DBT: variants seen among roughly 807,000 people sequenced by gnomAD.
DBT encodes the protein dihydrolipoamide branched chain transacylase E2.
In DBT, 40 loss-of-function variants were observed where a neutral mutation model predicts 51.3. That is an observed-to-expected ratio of 0.78 (90% CI 0.61 to 1.02). The LOEUF (loss-of-function observed/expected upper bound fraction) is 1.02. Among genes scored for constraint, DBT ranks in the 50% least tolerant of loss-of-function variants. The pLI is 0.00. For missense variants in DBT, 510 were observed against 580.2 expected (o/e 0.88, Z 1.24); for synonymous variants, 181 against 190.4 (o/e 0.95, Z 0.41).
At chr1:100,244,060 T>A (rs1664391631) in intron 1 of DBT, among the ~76,000 whole-genome samples, 1 of 105,270 alleles carries the variant, frequency 9.5e-6, no homozygotes. Flanking sequence ...CAAAATTCTA[T>A]CTCAAAAAAA....
At chr1:100,240,576 G>A (rs970590676) in intron 2 of DBT, among the ~76,000 whole-genome samples, 185 bp downstream of exon 2, 1 of 152,080 alleles carries the variant, frequency 6.6e-6, no homozygotes, top group Non-Finnish European at 1.5e-5. Flanking sequence ...AGGAAAGTAT[G>A]TAAAAGAGAG....
At chr1:100,220,496 C>G (rs1662786662) in intron 4 of DBT, among the ~76,000 whole-genome samples, 1 of 152,132 alleles carries the variant, frequency 6.6e-6, no homozygotes, top group African/African-American at 2.4e-5. Context: ...ATTCATTCCT[C>G]TTTACTAGTC....
At chr1:100,224,450 T>C (rs937792383) in intron 4 of DBT, among the ~76,000 whole-genome samples, 4 of 152,232 alleles carry the variant, frequency 2.6e-5, no homozygotes, top group Non-Finnish European at 4.4e-5. Flanking sequence ...GGGCTTATGC[T>C]TCATAGTTTA....
rs59482100 is a variant in DBT at position 100,225,042 on chromosome 1, A to AAATAT, written c.433+5690_433+5691insATATT. On this transcript the variant is annotated intron_variant, in intron 4 of 10. Coordinates refer to ENST00000370132, the MANE Select transcript of DBT (RefSeq NM_001918.5). ...CCCCCCAAAAAAAAAAAAAAAAAAAAATATATATATACACACACACACACA... is the reference window on the plus strand; with the variant it reads ...CCCCCCAAAAAAAAAAAAAAAAAAAAAATATATATATATATACACACACACACACA... Among the ~76,000 whole-genome samples the AAATAT allele has an allele frequency of 7.7e-4, 35 of 45,654 alleles. 1 individual carries two copies. The highest frequency in any genetic ancestry group is 2.2e-3 in the African/African-American group (33 of 14,900). 30.0% of individuals were successfully genotyped at this position (45,654 alleles called of 152,430 possible).
chr1:100,207,793 T>C (rs1661878539), intron 8 of DBT, among the ~76,000 whole-genome samples: 1 of 151,432 alleles, frequency 6.6e-6, no homozygotes, highest in African/African-American at 2.4e-5. Flanking sequence ...AAGCTATGAT[T>C]ATGCATGGGT....
At chr1:100,199,892 T>C (rs1010527220) in intron 10 of DBT, among the ~76,000 whole-genome samples, 4 of 152,170 alleles carry the variant, frequency 2.6e-5, no homozygotes, top group East Asian at 1.9e-4. Flanking sequence ...CCCATGGTCT[T>C]TGCATCCGAC....
intron 1 of DBT, among the ~76,000 whole-genome samples, chr1:100,244,507 A>G (rs1664420952): frequency 6.6e-6 from 1 of 152,220 alleles, no homozygotes. Flanking sequence ...TACCAAAATT[A>G]TCAAAAAAGG....
chr1:100,245,338 C>T (rs1006863197), intron 1 of DBT, among the ~76,000 whole-genome samples: 3 of 152,042 alleles, frequency 2.0e-5, no homozygotes, highest in Middle Eastern at 3.2e-3. Context: ...GTGTGAGCCA[C>T]CACACCCAGC....
rs555964358 is a variant in DBT at position 100,212,505 on chromosome 1, C to T, written c.940-1734G>A. Among the ~76,000 whole-genome samples, 467 of 150,876 alleles carry T rather than the reference C, an allele frequency of 3.1e-3. 1 individual carries two copies. The highest frequency in any genetic ancestry group is 0.011 in the African/African-American group (440 of 41,054). On this transcript the variant is annotated intron_variant, in intron 7 of 10. Coordinates refer to ENST00000370132, the MANE Select transcript of DBT (RefSeq NM_001918.5). ...TGAGCTGTGATTGTGCCACTGCACTCCAGCAGCCTGGGCAACAAAGTGAAC... is the reference window on the plus strand; with the variant it reads ...TGAGCTGTGATTGTGCCACTGCACTTCAGCAGCCTGGGCAACAAAGTGAAC...
In DBT at chr1:100,196,161, A is replaced by G; in HGVS notation, c.*94T>C. 1 of 1,075,534 alleles carries G rather than the reference A, an allele frequency of 9.3e-7. No homozygotes were observed. Among genetic ancestry groups the G allele is most frequent in the Non-Finnish European group, 1.4e-6 (1 of 696,958 alleles). The allele number at this position is 1,075,534 out of a possible 1,614,324, so 66.6% of individuals were successfully genotyped here. ...CTTAATCATACGATACAAATCATTT[A>G]CAATATAAATTGTAAAGATGAACAT... is the stretch of plus-strand genomic sequence containing the variant. On this transcript the variant is annotated 3_prime_UTR_variant, in exon 11 of 11. Coordinates refer to ENST00000370132, the MANE Select transcript of DBT (RefSeq NM_001918.5).
intron 4 of DBT, among the ~76,000 whole-genome samples, chr1:100,228,031 A>G (rs530842358): frequency 3.3e-5 from 5 of 152,074 alleles, no homozygotes; most frequent in African/African-American, 1.2e-4. Context: ...TTTTTAGTAA[A>G]CATGGGGTTT....
rs185377245 is a variant in DBT at position 100,193,714 on chromosome 1, C to T, written c.*2541G>A. 1 of 150,768 alleles carries T rather than the reference C, an allele frequency of 6.6e-6. No individual in the cohort carries two copies. The highest frequency in any genetic ancestry group is 1.9e-4 in the East Asian group (1 of 5,184). The allele number at this position is 150,768 out of a possible 1,614,324, so 9.3% of individuals were successfully genotyped here. A position where few individuals can be genotyped will look rare whatever the true frequency, so the allele number is the denominator to read the frequency against. On this transcript the variant is annotated 3_prime_UTR_variant, in exon 11 of 11. Transcript: ENST00000370132. ...CTGCCGCTGGGTTCAAGCAGTTCTC[C>T]TGCCTCAGCCTCCCGAGTAGGTGGA...
rs144252286 is a variant in DBT, at chr1:100,226,729, A to G, written c.433+4004T>C. 2.0e-3 allele frequency among the ~76,000 whole-genome samples: 312 copies of G among 152,306 alleles called. 3 individuals carry two copies. Among genetic ancestry groups the G allele is most frequent in the African/African-American group, 7.4e-3 (307 of 41,574 alleles). ...TGAATGATTCCAGGTATGGGGTGGG[A>G]AAAGTATGAGGTGAATCCCAGAACA... On this transcript the variant is annotated intron_variant, in intron 4 of 10. Coordinates refer to ENST00000370132, the MANE Select transcript of DBT (RefSeq NM_001918.5).
rs1238483306 is a variant in DBT at position 100,194,066 on chromosome 1, G to A, written c.*2189C>T. The A allele has an allele frequency of 1.3e-5, 2 of 152,164 alleles. No homozygotes were observed. Among genetic ancestry groups the A allele is most frequent in the African/African-American group, 4.8e-5 (2 of 41,452 alleles). The allele number at this position is 152,164 out of a possible 1,614,324, so 9.4% of individuals were successfully genotyped here. A position where few individuals can be genotyped will look rare whatever the true frequency, so the allele number is the denominator to read the frequency against. On this transcript the variant is annotated 3_prime_UTR_variant, in exon 11 of 11. Coordinates refer to ENST00000370132, the MANE Select transcript of DBT (RefSeq NM_001918.5). Reference sequence around the variant, plus strand: ...TACATACAGATAGATACATCAAAATGTTAATAGTGGTAAGATTATGAATGA... The same window carrying A: ...TACATACAGATAGATACATCAAAATATTAATAGTGGTAAGATTATGAATGA...
rs201010211 is a variant in DBT, at chr1:100,210,346, GAAT to G, written c.1017+345_1017+347del. 1.3e-3 allele frequency among the ~76,000 whole-genome samples: 192 copies of G among 146,438 alleles called. No individual in the cohort carries two copies. In the East Asian group the frequency reaches 0.022, roughly 16 times the overall value. On this transcript the variant is annotated intron_variant, in intron 8 of 10. Coordinates refer to ENST00000370132, the MANE Select transcript of DBT (RefSeq NM_001918.5). ...ATAATAAGAAGAAGAAGAAGAAGAA[GAAT>G]AAGAATAATAATATTAAAATTCCAG...
Position 100,210,859 on chromosome 1 carries a change from A to G in DBT, c.940-88T>C. On this transcript the variant is annotated intron_variant, in intron 7 of 10. Coordinates refer to ENST00000370132, the MANE Select transcript of DBT (RefSeq NM_001918.5). ...AACAATAAGAGGTATAAAAGGAGGGAGAGAGAGAACTCTTATTTATGCTGA... is the reference window on the plus strand; with the variant it reads ...AACAATAAGAGGTATAAAAGGAGGGGGAGAGAGAACTCTTATTTATGCTGA... 1.9e-6 allele frequency: 3 copies of G among 1,582,016 alleles called. No homozygotes were observed. In the South Asian group the frequency reaches 3.4e-5, roughly 18 times the overall value.
chr1:100,225,443 C>G (rs1345962468), intron 4 of DBT, among the ~76,000 whole-genome samples: 4 of 151,660 alleles, frequency 2.6e-5, no homozygotes, highest in Admixed American at 1.3e-4. Context: ...AAACACAGGC[C>G]CCCCACAAAA....
At chr1:100,200,616 C>T (rs1661381159) in intron 10 of DBT, among the ~76,000 whole-genome samples, 1 of 152,240 alleles carries the variant, frequency 6.6e-6, no homozygotes, top group African/African-American at 2.4e-5. Flanking sequence ...GACGGGGAGA[C>T]ACCTCCCAGC....
At chr1:100,230,655 ATC>A (rs2100826945) in intron 4 of DBT, 76 bp downstream of exon 4, 1 of 892,650 alleles carries the variant, frequency 1.1e-6, no homozygotes, top group Non-Finnish European at 1.8e-6. Context: ...AAAAACAAAG[ATC>A]ACTTTTAATT....
Sources: allele counts gnomAD v4.1 joint callset (sites outside exome capture counted in the v4.1 genomes callset), GRCh38; gene constraint gnomAD v4.1.1; transcripts MANE v1.5; gene names NCBI Gene and HGNC (gene_info 2026-07-23, HGNC 2026-07-21).